GAS7: variants seen among roughly 807,000 people sequenced by gnomAD.
GAS7 encodes growth arrest specific 7.
A neutral mutation model predicts 71.1 loss-of-function variants in GAS7; 28 were observed. The ratio of observed to expected loss-of-function variants is 0.39; its 90% CI spans 0.29 to 0.54. The LOEUF is 0.54. Ranked by LOEUF, GAS7 falls within the 20% of genes least tolerant of loss-of-function variation. The probability of loss-of-function intolerance (pLI) is 0.62; values close to 1 mark genes in which losing one functional copy is unlikely to be tolerated. For missense variants in GAS7, 436 were observed against 627.8 expected (o/e 0.69, Z 3.27); for synonymous variants, 258 against 245.8 (o/e 1.05, Z -0.46).
chr17:10,198,164 G>A, intron 1 of GAS7, 44 bp downstream of exon 1: 1 of 1,572,522 alleles, frequency 6.4e-7, no homozygotes, highest in Non-Finnish European at 8.7e-7. Flanking sequence ...AGCGCACCGA[G>A]GACCGCAGCC....
At chr17:10,101,427 C>T (rs537026099) in intron 1 of GAS7, among the ~76,000 whole-genome samples, 2 of 152,368 alleles carry the variant, frequency 1.3e-5, no homozygotes, top group South Asian at 4.1e-4. Flanking sequence ...GAGTGACATT[C>T]TGTCATATCT....
rs919215975 is a variant in GAS7 at position 10,108,590 on chromosome 17, C to T, written c.184-88693G>A. On this transcript the variant is annotated intron_variant, in intron 1 of 13. Transcript: ENST00000432992. The stretch of plus-strand genomic sequence containing the variant: ...ATTTAGCTCAGATATTTAAAAATTG[C>T]ACTGCAGAGTAACCAGATAGCATGA... Among the ~76,000 whole-genome samples the T allele has an allele frequency of 4.6e-5, 7 of 152,302 alleles. No individual in the cohort carries two copies. The South Asian group carries it at 6.2e-4, about 14-fold the overall frequency.
chr17:10,196,196 T>A (rs559646338), intron 1 of GAS7, among the ~76,000 whole-genome samples: 3 of 152,140 alleles, frequency 2.0e-5, no homozygotes, highest in Admixed American at 1.3e-4. Flanking sequence ...CGGGCTATCA[T>A]GTTTAAAAAA....
At position 9,951,466 on chromosome 17, in the gene GAS7, G is replaced by A. The variant is rs149958254; in HGVS notation, c.526-4483C>T. Among the ~76,000 whole-genome samples, 1,040 of 152,228 alleles carry A rather than the reference G, an allele frequency of 6.8e-3. 18 individuals carry two copies. Among genetic ancestry groups the A allele is most frequent in the African/African-American group, 0.024 (983 of 41,520 alleles). On this transcript the variant is annotated intron_variant, in intron 5 of 13. Coordinates refer to ENST00000432992, the MANE Select transcript of GAS7 (RefSeq NM_201433.2). ...GGGAAACACTTCCCTACAAAGAAAG[G>A]ACTTTCCTGGCCAGGTGCGGTGGCT...
intron 2 of GAS7, among the ~76,000 whole-genome samples, chr17:10,012,604 T>C (rs1012193021): frequency 8.5e-5 from 13 of 152,148 alleles, no homozygotes; most frequent in African/African-American, 2.7e-4. Flanking sequence ...CAATCATAAA[T>C]GGAGCAAAAA....
intron 1 of GAS7, among the ~76,000 whole-genome samples, chr17:10,039,227 T>TAAAA (rs34319435): frequency 1.4e-5 from 2 of 144,696 alleles, no homozygotes; most frequent in Admixed American, 1.4e-4. Context: ...TTGCCATGAT[T>TAAAA]AAAAAAAAAA....
At chr17:10,109,112 CA>C (rs1180352348) in intron 1 of GAS7, among the ~76,000 whole-genome samples, 1 of 151,178 alleles carries the variant, frequency 6.6e-6, no homozygotes, top group African/African-American at 2.4e-5. Context: ...AGGAACTCAA[CA>C]GCAAAAAAAA....
At chr17:10,076,757 A>G (rs2073398401) in intron 1 of GAS7, among the ~76,000 whole-genome samples, 1 of 152,196 alleles carries the variant, frequency 6.6e-6, no homozygotes, top group Non-Finnish European at 1.5e-5. Context: ...GACGAGCTGA[A>G]CTGTCTCTTC....
chr17:10,143,083 G>A lies in GAS7; in HGVS notation c.183+55125C>T, dbSNP rs545731078. On this transcript the variant is annotated intron_variant, in intron 1 of 13. Coordinates refer to ENST00000432992, the MANE Select transcript of GAS7 (RefSeq NM_201433.2). Reference sequence around the variant, plus strand: ...TGTAATCCCAGCTACCTGGGAGGCTGAGGCGGGAGAATCGCTTGAACCCGG... The same window carrying A: ...TGTAATCCCAGCTACCTGGGAGGCTAAGGCGGGAGAATCGCTTGAACCCGG... Among the ~76,000 whole-genome samples, 5 of 151,950 alleles carry A rather than the reference G, an allele frequency of 3.3e-5. No individual in the cohort carries two copies. In the South Asian group the frequency reaches 1.0e-3, roughly 32 times the overall value.
chr17:10,121,723 T>C (rs972317075), intron 1 of GAS7, among the ~76,000 whole-genome samples: 1 of 152,130 alleles, frequency 6.6e-6, no homozygotes, highest in Non-Finnish European at 1.5e-5. Context: ...AGGAGATAAG[T>C]AAAAGCATGG....
intron 1 of GAS7, among the ~76,000 whole-genome samples, chr17:10,170,778 G>A (rs1345669925): frequency 1.3e-5 from 2 of 152,204 alleles, no homozygotes; most frequent in African/African-American, 2.4e-5. Flanking sequence ...CCCGTATCTT[G>A]TTAATCTGCT....
chr17:10,073,325 G>A (rs2073360147), intron 1 of GAS7, among the ~76,000 whole-genome samples: 1 of 152,176 alleles, frequency 6.6e-6, no homozygotes, highest in African/African-American at 2.4e-5. Context: ...GTTTCGGGAT[G>A]CACAGTTTAA....
In GAS7 at chr17:9,974,006, T is replaced by C. The variant is rs1012935220; in HGVS notation, c.386-4244A>G. ...TCCCTCCCCAGACCCTCCAAATGCATGCCCAGGTCCTGCCTCTCCTCTGCC... is the reference window on the plus strand; with the variant it reads ...TCCCTCCCCAGACCCTCCAAATGCACGCCCAGGTCCTGCCTCTCCTCTGCC... On this transcript the variant is annotated intron_variant, in intron 3 of 13. Transcript: ENST00000432992. The surrounding 1 kb of genome is among the most constrained non-coding windows in gnomAD (Gnocchi z 4.0). 2.0e-5 allele frequency among the ~76,000 whole-genome samples: 3 copies of C among 152,068 alleles called. No individual in the cohort carries two copies. The highest frequency in any genetic ancestry group is 7.2e-5 in the African/African-American group (3 of 41,412).
intron 3 of GAS7, among the ~76,000 whole-genome samples, chr17:9,970,838 C>G (rs2069931408): frequency 6.6e-6 from 1 of 152,106 alleles, no homozygotes; most frequent in East Asian, 1.9e-4. Flanking sequence ...GGTTTCAAGC[C>G]CCAACGCCGC....
chr17:10,017,494 A>G (rs759784676), intron 2 of GAS7, among the ~76,000 whole-genome samples: 114 of 151,824 alleles, frequency 7.5e-4, no homozygotes, highest in Non-Finnish European at 1.4e-3. Context: ...ACACCCGGAT[A>G]ATTTTGATAT....
intron 1 of GAS7, among the ~76,000 whole-genome samples, chr17:10,064,726 GAT>G (rs1211121693): frequency 6.7e-6 from 1 of 149,690 alleles, no homozygotes; most frequent in Non-Finnish European, 1.5e-5. Flanking sequence ...GGGAATCAGA[GAT>G]AGAGAAACAT....
intron 2 of GAS7, among the ~76,000 whole-genome samples, chr17:9,988,777 C>G (rs1423567384): frequency 6.6e-6 from 1 of 152,010 alleles, no homozygotes; most frequent in East Asian, 1.9e-4. Context: ...CGCCTGGTCA[C>G]GCCAAGCCCC....
At chr17:10,011,595 C>T (rs578245012) in intron 2 of GAS7, among the ~76,000 whole-genome samples, 13 of 152,308 alleles carry the variant, frequency 8.5e-5, no homozygotes, top group Non-Finnish European at 1.5e-4. Flanking sequence ...CCTACCCTCA[C>T]CACTTTGTAC....
intron 1 of GAS7, among the ~76,000 whole-genome samples, chr17:10,047,105 T>C (rs979216586): frequency 2.6e-5 from 4 of 151,948 alleles, no homozygotes; most frequent in East Asian, 1.9e-4. Flanking sequence ...CCATCATCCA[T>C]TTAGGTACAG....
Sources: allele counts gnomAD v4.1 joint callset (sites outside exome capture counted in the v4.1 genomes callset), GRCh38; gene constraint gnomAD v4.1.1; non-coding constraint Gnocchi (gnomAD v3.1); transcripts MANE v1.5; gene names NCBI Gene and HGNC (gene_info 2026-07-23, HGNC 2026-07-21).